The following CASK variants were observed in gnomAD, a reference collection of about 807,000 sequenced individuals.
CASK encodes the protein peripheral plasma membrane protein CASK.
In CASK, 4 loss-of-function variants were observed where a neutral mutation model predicts 82.9. That is an observed-to-expected ratio of 0.05 (90% confidence interval 0.02 to 0.11). CASK has a LOEUF of 0.11. Ranked by LOEUF, CASK falls within the 10% of genes least tolerant of loss-of-function variation. The pLI, the probability that CASK is intolerant of heterozygous loss-of-function variation, is 1.00. For missense variants in CASK, 358 were observed against 720.9 expected, an observed-to-expected ratio of 0.50 and a Z score of 5.76; for synonymous variants, 259 against 253.5, an observed-to-expected ratio of 1.02 and a Z score of -0.20.
chrX:41,727,494 C>T, intron 5 of CASK: 1 of 1,208,616 alleles, frequency 8.3e-7, no homozygotes, highest in Non-Finnish European at 1.1e-6. Flanking sequence ...GAAAACTATG[C>T]ATTTACATAT....
At position 41,568,800 on chromosome X, in the gene CASK, C is replaced by A. The variant is rs145944079; in HGVS notation, c.1582+868G>T. ...ATTGCTTGGGTTCAAGAATTGGAGACCAGCCTGGGCAACATGGTAAAAGCC... is the reference window on the plus strand; with the variant it reads ...ATTGCTTGGGTTCAAGAATTGGAGAACAGCCTGGGCAACATGGTAAAAGCC... On this transcript the variant is annotated intron_variant, in intron 16 of 26. Coordinates refer to ENST00000378163, the MANE Select transcript of CASK (RefSeq NM_001367721.1). Among the ~76,000 whole-genome samples the A allele has an allele frequency of 4.2e-4, 47 of 111,460 alleles. No individual in the cohort carries two copies. In the East Asian group the frequency reaches 0.013, roughly 31 times the overall value.
At chrX:41,785,002 CTTTT>C (rs368185380) in intron 3 of CASK, among the ~76,000 whole-genome samples, 1 of 74,854 alleles carries the variant, frequency 1.3e-5, no homozygotes, top group Non-Finnish European at 2.7e-5. Flanking sequence ...TTTCAAAATT[CTTTT>C]TTTTTTTTTT....
intron 14 of CASK, among the ~76,000 whole-genome samples, chrX:41,581,205 C>T (rs750966040): frequency 9.1e-6 from 1 of 110,028 alleles, no homozygotes; most frequent in Non-Finnish European, 1.9e-5. Flanking sequence ...AAAGTGAGAC[C>T]CCCGTCTCTA....
At chrX:41,820,694 A>C (rs1033664618) in intron 2 of CASK, among the ~76,000 whole-genome samples, 17 of 111,310 alleles carry the variant, frequency 1.5e-4, no homozygotes, top group Non-Finnish European at 2.6e-4. Context: ...AGAATAGCCT[A>C]AACACAAAAT....
intron 11 of CASK, among the ~76,000 whole-genome samples, chrX:41,616,622 T>C (rs1301058729): frequency 1.8e-5 from 2 of 109,553 alleles, no homozygotes; most frequent in African/African-American, 3.3e-5. Context: ...TTTTTTTTTT[T>C]CCTGAGACAG....
At chrX:41,658,226 G>C (rs188625232) in intron 8 of CASK, among the ~76,000 whole-genome samples, 1 of 111,828 alleles carries the variant, frequency 8.9e-6, no homozygotes, top group African/African-American at 3.3e-5. Context: ...ATAAGTAAAT[G>C]TTTCCCTGAA....
intron 2 of CASK, among the ~76,000 whole-genome samples, chrX:41,843,251 G>A (rs1189331188): frequency 2.7e-5 from 3 of 111,752 alleles, no homozygotes; most frequent in Non-Finnish European, 5.6e-5. Context: ...CTGATCTTCG[G>A]AGGAAAGCAT....
intron 1 of CASK, among the ~76,000 whole-genome samples, chrX:41,881,069 G>C (rs1027931648): frequency 5.4e-5 from 6 of 111,398 alleles, no homozygotes; most frequent in African/African-American, 2.0e-4. Flanking sequence ...CAATGCCTTT[G>C]TGTAAACTTT....
At chrX:41,636,921 G>T (rs1010178259) in intron 8 of CASK, among the ~76,000 whole-genome samples, 2 of 111,161 alleles carry the variant, frequency 1.8e-5, no homozygotes, top group African/African-American at 6.5e-5. Flanking sequence ...ATATGGCTAT[G>T]TGGCTAAAAT....
At chrX:41,650,948 A>G (rs1205515355) in intron 8 of CASK, among the ~76,000 whole-genome samples, 1 of 112,069 alleles carries the variant, frequency 8.9e-6, no homozygotes, top group Non-Finnish European at 1.9e-5. Flanking sequence ...TGACATAAGT[A>G]GTGAAGTTAA....
chrX:41,690,408 A>C (rs771180164), intron 5 of CASK, among the ~76,000 whole-genome samples: 13 of 110,530 alleles, frequency 1.2e-4, no homozygotes, highest in African/African-American at 4.3e-4. Context: ...GTACAGTGGC[A>C]TGAACACAGC....
At chrX:41,615,307 C>G (rs187525613) in intron 11 of CASK, among the ~76,000 whole-genome samples, 2 of 111,141 alleles carry the variant, frequency 1.8e-5, no homozygotes, top group Admixed American at 9.6e-5. Context: ...GAGTGCCCCC[C>G]CCTCCATCAA....
intron 2 of CASK, among the ~76,000 whole-genome samples, chrX:41,839,186 T>A (rs1360443671): frequency 8.9e-6 from 1 of 111,861 alleles, no homozygotes; most frequent in Non-Finnish European, 1.9e-5. Flanking sequence ...CCATAAAAAA[T>A]CTTCCTAGGA....
At position 41,885,849 on chromosome X, in the gene CASK, A is replaced by G. The variant is rs1418570906; in HGVS notation, c.60-32622T>C. On this transcript the variant is annotated intron_variant, in intron 1 of 26. Coordinates refer to ENST00000378163, the MANE Select transcript of CASK (RefSeq NM_001367721.1). ...TAATTTGCCAGATAGAAGAAATACC[A>G]CCATTCATGGAAGAATTCAGTTTTT... 2.7e-5 allele frequency among the ~76,000 whole-genome samples: 3 copies of G among 111,874 alleles called. No homozygotes were observed. In the East Asian group the frequency reaches 8.4e-4, roughly 31 times the overall value.
chrX:41,647,815 A>C lies in CASK; in HGVS notation c.832-11154T>G, dbSNP rs181913032. On this transcript the variant is annotated intron_variant, in intron 8 of 26. Coordinates refer to ENST00000378163, the MANE Select transcript of CASK (RefSeq NM_001367721.1). ...TTTCATAGACACTTATCACTTCCCC[A>C]ATCAATACCCTTGTGATTTCCTATG... is the stretch of plus-strand genomic sequence containing the variant. Among the ~76,000 whole-genome samples the C allele has an allele frequency of 2.3e-3, 262 of 112,128 alleles. 2 individuals are homozygous for C. Among genetic ancestry groups the C allele is most frequent in the African/African-American group, 8.1e-3 (250 of 30,922 alleles).
intron 3 of CASK, among the ~76,000 whole-genome samples, chrX:41,769,316 C>G (rs185974361): frequency 1.9e-5 from 2 of 107,533 alleles, no homozygotes; most frequent in East Asian, 5.9e-4. Flanking sequence ...CCGCCTCAGT[C>G]TCCTGAGTAG....
chrX:41,868,499 C>T (rs2071632372), intron 1 of CASK, among the ~76,000 whole-genome samples: 1 of 112,034 alleles, frequency 8.9e-6, no homozygotes, highest in African/African-American at 3.2e-5. Flanking sequence ...ACTCCAGCTG[C>T]AAACACCCCA....
chrX:41,591,731 T>G (rs1354177720), intron 12 of CASK, among the ~76,000 whole-genome samples: 1 of 110,121 alleles, frequency 9.1e-6, no homozygotes, highest in Non-Finnish European at 1.9e-5. Flanking sequence ...CGCCTCGGCC[T>G]CCCAAAGCGC....
intron 2 of CASK, among the ~76,000 whole-genome samples, chrX:41,827,964 A>G (rs2070701839): frequency 8.9e-6 from 1 of 111,823 alleles, no homozygotes; most frequent in African/African-American, 3.3e-5. Context: ...AGTAGAGGAT[A>G]TATCACAACA....
Sources: gnomAD v4.1 joint callset for allele counts (sites outside exome capture counted in the v4.1 genomes callset) on GRCh38, gnomAD v4.1.1 for gene constraint, MANE v1.5 for transcripts, NCBI Gene and HGNC (gene_info 2026-07-23, HGNC 2026-07-21) for gene names.